The following ABCG1 variants were observed in gnomAD, a reference collection of about 807,000 sequenced individuals.
The protein encoded by ABCG1 is ATP-binding cassette sub-family G member 1.
A neutral mutation model predicts 69.2 loss-of-function variants in ABCG1; 29 were observed. That is an observed-to-expected ratio of 0.42 (90% CI 0.31 to 0.57). The LOEUF (loss-of-function observed/expected upper bound fraction) is 0.57. Among genes scored for constraint, ABCG1 ranks in the 20% least tolerant of loss-of-function variants. The pLI is 0.15. For missense variants in ABCG1, 718 were observed against 898.1 expected, an observed-to-expected ratio of 0.80 and a Z score of 2.56; for synonymous variants, 370 against 374.8, an observed-to-expected ratio of 0.99 and a Z score of 0.15.
At chr21:42,201,332 A>G (rs1474191251) in intron 1 of ABCG1, among the ~76,000 whole-genome samples, 2 of 152,156 alleles carry the variant, frequency 1.3e-5, no homozygotes, top group Non-Finnish European at 2.9e-5. Context: ...TTGAGTGCTC[A>G]GCTCACAATA....
At chr21:42,211,328 G>A (rs773889590), upstream of ABCG1, among the ~76,000 whole-genome samples, 2 of 152,044 alleles carry the variant, frequency 1.3e-5, no homozygotes, top group Non-Finnish European at 2.9e-5. Flanking sequence ...CCAGCCTTAT[G>A]CTGCTGCCCT....
At position 42,276,864 on chromosome 21, in the gene ABCG1, G is replaced by C. The variant is rs1160621877; in HGVS notation, c.538-31G>C. The C allele has an allele frequency of 3.7e-6, 6 of 1,613,314 alleles. No homozygotes were observed. Among genetic ancestry groups the C allele is most frequent in the East Asian group, 4.5e-5 (2 of 44,888 alleles). On this transcript the variant is annotated intron_variant, in intron 4 of 14. Transcript: ENST00000398449. The surrounding 1 kb of genome is among the most constrained non-coding windows in gnomAD (Gnocchi z 5.3). Reference sequence around the variant, plus strand: ...CACACTGCCAGTGGCCGTCTGTTCTGCTTCCACACTGTTGTCCTTGTCCCC... The same window carrying C: ...CACACTGCCAGTGGCCGTCTGTTCTCCTTCCACACTGTTGTCCTTGTCCCC...
chr21:42,255,185 G>T (rs1165680177), intron 2 of ABCG1, among the ~76,000 whole-genome samples: 1 of 152,254 alleles, frequency 6.6e-6, no homozygotes, highest in Non-Finnish European at 1.5e-5. Context: ...CAGTACCTGC[G>T]CAGGGGCAGG....
intron 2 of ABCG1, among the ~76,000 whole-genome samples, chr21:42,268,913 G>A (rs754872090): frequency 1.5e-4 from 23 of 152,170 alleles, no homozygotes; most frequent in Non-Finnish European, 2.9e-4. Flanking sequence ...TGATCATCGG[G>A]TGCCCCAGTG....
At chr21:42,209,062 C>T (rs1389561756) in intron 2 of ABCG1, among the ~76,000 whole-genome samples, 1 of 152,136 alleles carries the variant, frequency 6.6e-6, no homozygotes, top group Admixed American at 6.6e-5. Context: ...ACCAGGAGAG[C>T]TCAGAGGTCT....
In ABCG1 at chr21:42,291,839, G is replaced by A. The variant is rs1008890838; in HGVS notation, c.1653+183G>A. 2.0e-5 allele frequency among the ~76,000 whole-genome samples: 3 copies of A among 152,182 alleles called. No homozygotes were observed. Among genetic ancestry groups the A allele is most frequent in the Admixed American group, 6.5e-5 (1 of 15,288 alleles). On this transcript the variant is annotated intron_variant, in intron 13 of 14. Transcript: ENST00000398449. The surrounding 1 kb of genome is among the most constrained non-coding windows in gnomAD (Gnocchi z 6.4). ...CAGGATCAGCTGGCTTCCACAGTGC[G>A]CACAGCGGGCAGCCTCACGTGTGCT...
At position 42,296,518 on chromosome 21, in the gene ABCG1, G is replaced by C. The variant is rs555336170; in HGVS notation, c.*126G>C. On this transcript the variant is annotated 3_prime_UTR_variant, in exon 15 of 15. Transcript: ENST00000398449. This position sits in a 1 kb window ranked among gnomAD's most constrained non-coding sequence, Gnocchi z 5.4. ...CTTCTGATCCAACCCCTAGAACCGC[G>C]TTGGGTTTGTGGGTGTCTCGTGCTC... 1 of 854,242 alleles carries C rather than the reference G, an allele frequency of 1.2e-6. No individual in the cohort carries two copies. The highest frequency in any genetic ancestry group is 1.8e-6 in the Non-Finnish European group (1 of 543,446). The allele number at this position is 854,242 out of a possible 1,614,324, so 52.9% of individuals were successfully genotyped here.
At chr21:42,220,824 G>A (rs1280447160) in intron 1 of ABCG1, among the ~76,000 whole-genome samples, 1 of 152,240 alleles carries the variant, frequency 6.6e-6, no homozygotes, top group East Asian at 1.9e-4. Context: ...AAATTAAGGA[G>A]GTTATTGATG....
At chr21:42,211,315 C>T (rs1174837344), upstream of ABCG1, among the ~76,000 whole-genome samples, 14 of 152,100 alleles carry the variant, frequency 9.2e-5, no homozygotes, top group Admixed American at 9.2e-4. Context: ...TTGGTGTATC[C>T]AACCAGCCTT....
chr21:42,257,556 G>A (rs572907528), intron 2 of ABCG1, among the ~76,000 whole-genome samples: 1 of 152,300 alleles, frequency 6.6e-6, no homozygotes, highest in Admixed American at 6.5e-5. Flanking sequence ...GCTGTGTAGG[G>A]CGTGGCGGTG....
At chr21:42,284,757 G>A in intron 7 of ABCG1, 74 bp downstream of exon 7, 3 of 1,552,824 alleles carry the variant, frequency 1.9e-6, no homozygotes, top group Non-Finnish European at 2.6e-6. Context: ...CAAACCCTGG[G>A]TACCCACTGC....
intron 2 of ABCG1, among the ~76,000 whole-genome samples, chr21:42,264,700 A>G (rs994732011): frequency 6.6e-6 from 1 of 151,916 alleles, no homozygotes; most frequent in African/African-American, 2.4e-5. Flanking sequence ...GAGGAGAGAC[A>G]GAGAGGAGAG....
At chr21:42,211,919 A>G (rs1461591009), upstream of ABCG1, among the ~76,000 whole-genome samples, 3 of 152,058 alleles carry the variant, frequency 2.0e-5, no homozygotes, top group African/African-American at 2.4e-5. Context: ...AAAACAAAAC[A>G]AAACAATAAC....
chr21:42,261,106 T>G (rs554287492), intron 2 of ABCG1, among the ~76,000 whole-genome samples: 1 of 151,948 alleles, frequency 6.6e-6, no homozygotes, highest in Admixed American at 6.6e-5. Flanking sequence ...CAGGCATGAG[T>G]CACCGTACCC....
At chr21:42,216,870 G>C (rs1370202128), upstream of ABCG1, among the ~76,000 whole-genome samples, 1 of 152,210 alleles carries the variant, frequency 6.6e-6, no homozygotes, top group Admixed American at 6.5e-5. Context: ...ATGCTTACTC[G>C]GTGCTGGGCA....
upstream of ABCG1, among the ~76,000 whole-genome samples, chr21:42,215,039 G>A (rs1341929740): frequency 6.6e-6 from 1 of 152,248 alleles, no homozygotes; most frequent in Non-Finnish European, 1.5e-5. Context: ...GGCAGGTCAG[G>A]TCTGTGTGCA....
intron 2 of ABCG1, among the ~76,000 whole-genome samples, chr21:42,252,790 A>G (rs2068243684): frequency 6.6e-6 from 1 of 152,088 alleles, no homozygotes; most frequent in Admixed American, 6.5e-5. Flanking sequence ...TGGCGTTTTA[A>G]GGTTTCCCCA....
upstream of ABCG1, among the ~76,000 whole-genome samples, chr21:42,213,547 A>G (rs753750376): frequency 6.6e-6 from 1 of 152,240 alleles, no homozygotes; most frequent in Non-Finnish European, 1.5e-5. Flanking sequence ...AAGACCTCAG[A>G]CTAGCAGAGC....
Position 42,273,623 on chromosome 21 carries a change from C to T in ABCG1, c.537+188C>T, listed in dbSNP as rs1465222673. On this transcript the variant is annotated intron_variant, in intron 4 of 14. Transcript: ENST00000398449. The surrounding 1 kb of genome is among the most constrained non-coding windows in gnomAD (Gnocchi z 5.3). ...GACTCGCTGTTGGGACAGGCAGCAT[C>T]ATCCCAAAACCCCCCAAGACTGTGA... 6.6e-6 allele frequency among the ~76,000 whole-genome samples: 1 copy of T among 152,206 alleles called. No homozygotes were observed. Among genetic ancestry groups the T allele is most frequent in the African/African-American group, 2.4e-5 (1 of 41,446 alleles).
Sources: gnomAD v4.1 joint callset for allele counts (sites outside exome capture counted in the v4.1 genomes callset) on GRCh38, gnomAD v4.1.1 for gene constraint, Gnocchi (gnomAD v3.1) non-coding constraint, MANE v1.5 for transcripts, NCBI Gene and HGNC (gene_info 2026-07-23, HGNC 2026-07-21) for gene names.